The following PTPRN2 variants were observed in gnomAD, a reference collection of about 807,000 sequenced individuals.
PTPRN2 encodes the protein receptor-type tyrosine-protein phosphatase N2.
Under a neutral mutation model 118.8 loss-of-function variants are expected in PTPRN2, and 74 were observed. The ratio of observed to expected loss-of-function variants is 0.62; its 90% confidence interval spans 0.52 to 0.76. The LOEUF (loss-of-function observed/expected upper bound fraction) is 0.76, where lower values mean the gene tolerates loss of function less well. Among genes scored for constraint, PTPRN2 ranks in the 30% least tolerant of loss-of-function variants. The probability of loss-of-function intolerance (pLI) is 0.00; values close to 1 mark genes in which losing one functional copy is unlikely to be tolerated. For synonymous variants in PTPRN2, 641 were observed against 608.0 expected (o/e 1.05, Z -0.80); for missense variants, 1,481 against 1,394.4 (o/e 1.06, Z -0.99).
chr7:157,965,391 C>G (rs559105088), intron 11 of PTPRN2, among the ~76,000 whole-genome samples: 1 of 152,154 alleles, frequency 6.6e-6, no homozygotes, highest in East Asian at 1.9e-4. Context: ...ACTGGACAGA[C>G]GACAGCACCG....
chr7:157,741,398 C>G (rs544602621), intron 12 of PTPRN2, among the ~76,000 whole-genome samples: 1 of 152,188 alleles, frequency 6.6e-6, no homozygotes, highest in African/African-American at 2.4e-5. Context: ...CATGGGTGCC[C>G]GGCCTGCTCT....
chr7:158,431,071 T>C (rs1816133481), intron 2 of PTPRN2, among the ~76,000 whole-genome samples: 1 of 152,156 alleles, frequency 6.6e-6, no homozygotes, highest in African/African-American at 2.4e-5. Flanking sequence ...GAAAGCAAGT[T>C]CAAATTCTTC....
chr7:158,489,810 C>A (rs374692350), intron 1 of PTPRN2, 25 bp from the exon 2 acceptor site: 1 of 1,559,332 alleles, frequency 6.4e-7, no homozygotes, highest in Non-Finnish European at 8.7e-7. Context: ...AGAAGAGACG[C>A]GGTCAGCTGG....
At chr7:158,481,327 A>T (rs1820625238) in intron 2 of PTPRN2, among the ~76,000 whole-genome samples, 1 of 152,228 alleles carries the variant, frequency 6.6e-6, no homozygotes, top group Non-Finnish European at 1.5e-5. Flanking sequence ...CTTTCAAAAT[A>T]TGGCTGCTCA....
At chr7:157,648,463 C>T (rs1172556125) in intron 14 of PTPRN2, among the ~76,000 whole-genome samples, 12 of 101,430 alleles carry the variant, frequency 1.2e-4, no homozygotes, top group Non-Finnish European at 1.4e-4. Flanking sequence ...CTCGGTGGGT[C>T]GGACCCATCC....
At chr7:158,080,072 G>A (rs144187150) in intron 11 of PTPRN2, among the ~76,000 whole-genome samples, 72 of 152,138 alleles carry the variant, frequency 4.7e-4, no homozygotes, top group African/African-American at 1.7e-3. Flanking sequence ...CTGAGGGCAC[G>A]AGGATATCCC....
rs1209506544 is a variant in PTPRN2 at position 157,764,999 on chromosome 7, A to C, written c.1789-82062T>G. Among the ~76,000 whole-genome samples, 3 of 147,074 alleles carry C rather than the reference A, an allele frequency of 2.0e-5. No homozygotes were observed. The highest frequency in any genetic ancestry group is 7.7e-5 in the African/African-American group (3 of 39,088). On this transcript the variant is annotated intron_variant, in intron 12 of 22. Coordinates refer to ENST00000389418, the MANE Select transcript of PTPRN2 (RefSeq NM_002847.5). The surrounding 1 kb of genome is among the most constrained non-coding windows in gnomAD (Gnocchi z 4.5). ...TCTACCCATCCACTTTCATCCATCC[A>C]ACCATCCATCATTCTTCCATCCATC... is the stretch of plus-strand genomic sequence containing the variant.
chr7:158,231,363 G>A (rs969113748), intron 3 of PTPRN2, among the ~76,000 whole-genome samples: 3 of 152,080 alleles, frequency 2.0e-5, no homozygotes, highest in Admixed American at 6.5e-5. Flanking sequence ...GTCAAAGACT[G>A]CAAAAAGCAA....
chr7:158,585,787 C>G (rs1292916818), intron 1 of PTPRN2, among the ~76,000 whole-genome samples: 1 of 152,216 alleles, frequency 6.6e-6, no homozygotes. Flanking sequence ...CCATAATGAC[C>G]TACCTTCCCT....
At chr7:158,551,668 C>G (rs1826668122) in intron 1 of PTPRN2, among the ~76,000 whole-genome samples, 1 of 99,964 alleles carries the variant, frequency 1.0e-5, no homozygotes, top group African/African-American at 4.0e-5. Context: ...ATTTGGGGGG[C>G]CCCAGCTCCT....
intron 12 of PTPRN2, among the ~76,000 whole-genome samples, chr7:157,704,523 T>C (rs1798232271): frequency 6.6e-6 from 1 of 152,086 alleles, no homozygotes; most frequent in Non-Finnish European, 1.5e-5. Flanking sequence ...GGCCTGAAGG[T>C]CCCACCCTCG....
At chr7:158,373,723 A>G (rs1027127597) in intron 2 of PTPRN2, among the ~76,000 whole-genome samples, 2 of 152,244 alleles carry the variant, frequency 1.3e-5, no homozygotes, top group Non-Finnish European at 2.9e-5. Flanking sequence ...TTGAAGAAGG[A>G]GCAGGATTGG....
rs75035541 is a variant in PTPRN2 at position 157,903,496 on chromosome 7, A to T, written c.1724-4759T>A. 6.6e-6 allele frequency among the ~76,000 whole-genome samples: 1 copy of T among 152,150 alleles called. No individual in the cohort carries two copies. Among genetic ancestry groups the T allele is most frequent in the South Asian group, 2.1e-4 (1 of 4,798 alleles). ...TAAAAGCTGAAAATTAAAAATACGGATAAGTGAACAGATGTGCCACCGACA... is the reference window on the plus strand; with the variant it reads ...TAAAAGCTGAAAATTAAAAATACGGTTAAGTGAACAGATGTGCCACCGACA... On this transcript the variant is annotated intron_variant, in intron 11 of 22. Transcript: ENST00000389418. This position sits in a 1 kb window ranked among gnomAD's most constrained non-coding sequence, Gnocchi z 4.2.
At chr7:158,415,930 C>G (rs1481148902) in intron 2 of PTPRN2, among the ~76,000 whole-genome samples, 1 of 152,208 alleles carries the variant, frequency 6.6e-6, no homozygotes, top group Admixed American at 6.5e-5. Flanking sequence ...CCCTGCCACC[C>G]CTGTGTCTGC....
At chr7:158,557,000 C>CAGACG in intron 1 of PTPRN2, among the ~76,000 whole-genome samples, 1 of 124,552 alleles carries the variant, frequency 8.0e-6, no homozygotes, top group Admixed American at 7.6e-5. Flanking sequence ...CCACGCAGGT[C>CAGACG]GCTCCCACGC....
intron 12 of PTPRN2, among the ~76,000 whole-genome samples, chr7:157,857,086 G>A (rs576131935): frequency 4.0e-5 from 6 of 151,432 alleles, no homozygotes; most frequent in South Asian, 2.1e-4. Context: ...GCCACAGCAC[G>A]AGGGCATGGC....
At chr7:157,943,791 C>T (rs1190484063) in intron 11 of PTPRN2, among the ~76,000 whole-genome samples, 1 of 152,102 alleles carries the variant, frequency 6.6e-6, no homozygotes, top group African/African-American at 2.4e-5. Flanking sequence ...CATGGAAGGC[C>T]CGGCTCAGCC....
Position 157,946,307 on chromosome 7 carries a change from C to A in PTPRN2, c.1724-47570G>T, listed in dbSNP as rs79070815. 3.7e-3 allele frequency among the ~76,000 whole-genome samples: 556 copies of A among 152,162 alleles called. 24 individuals are homozygous for A. In the East Asian group the frequency reaches 0.085, roughly 23 times the overall value. ...ACACTAAAAAAAAAAAAGTAAAATC[C>A]AGCTGGTCCTGAGAGACAAGAGTTT... On this transcript the variant is annotated intron_variant, in intron 11 of 22. Transcript: ENST00000389418.
At chr7:158,069,220 G>A (rs1054115299) in intron 11 of PTPRN2, among the ~76,000 whole-genome samples, 6 of 152,106 alleles carry the variant, frequency 3.9e-5, no homozygotes, top group East Asian at 3.9e-4. Flanking sequence ...ATAGGGTCAC[G>A]CTCTATCACC....
Sources: allele counts gnomAD v4.1 joint callset (sites outside exome capture counted in the v4.1 genomes callset), GRCh38; gene constraint gnomAD v4.1.1; non-coding constraint Gnocchi (gnomAD v3.1); transcripts MANE v1.5; gene names NCBI Gene and HGNC (gene_info 2026-07-23, HGNC 2026-07-21).